The following KIAA0319 variants were observed in gnomAD, a reference collection of about 807,000 sequenced individuals.
KIAA0319 encodes KIAA0319, also known as dyslexia-associated protein KIAA0319.
Under a neutral mutation model 108.4 loss-of-function variants are expected in KIAA0319, and 83 were observed. That is an observed-to-expected ratio of 0.77 (90% CI 0.64 to 0.92). The LOEUF (loss-of-function observed/expected upper bound fraction) is 0.92. Ranked by LOEUF, KIAA0319 falls within the 40% of genes least tolerant of loss-of-function variation. The pLI is 0.00. For missense variants in KIAA0319, 1,195 were observed against 1,322.4 expected (o/e 0.90, Z 1.49); for synonymous variants, 484 against 510.4 (o/e 0.95, Z 0.70).
At chr6:24,575,245 A>AG (rs1247596980) in intron 10 of KIAA0319, among the ~76,000 whole-genome samples, 2 of 152,194 alleles carry the variant, frequency 1.3e-5, no homozygotes, top group Non-Finnish European at 2.9e-5. Flanking sequence ...TGGTGTGTAG[A>AG]GGCAAGGCTC....
At chr6:24,600,648 G>A in intron 2 of KIAA0319, 1 of 1,534,376 alleles carries the variant, frequency 6.5e-7, no homozygotes, top group South Asian at 1.2e-5. Flanking sequence ...TCTAGTCATG[G>A]GTCTTCTTAA....
At position 24,599,049 on chromosome 6, in the gene KIAA0319, C is replaced by G; in HGVS notation, c.55+2000G>C. The G allele has an allele frequency of 1.3e-6, 1 of 742,322 alleles. No homozygotes were observed. Among genetic ancestry groups the G allele is most frequent in the South Asian group, 1.4e-5 (1 of 69,078 alleles). The allele number at this position is 742,322 out of a possible 1,614,324, so 46.0% of individuals were successfully genotyped here. A position where few individuals can be genotyped will look rare whatever the true frequency, so the allele number is the denominator to read the frequency against. ...CAGGCAGCTGTATGAAGAGGAGATCCAGGAGCTGCAGTCCCAGATCTGGGA... is the reference window on the plus strand; with the variant it reads ...CAGGCAGCTGTATGAAGAGGAGATCGAGGAGCTGCAGTCCCAGATCTGGGA... On this transcript the variant is annotated intron_variant, in intron 2 of 20. Coordinates refer to ENST00000378214, the MANE Select transcript of KIAA0319 (RefSeq NM_014809.4). The surrounding 1 kb of genome is among the most constrained non-coding windows in gnomAD (Gnocchi z 4.1).
Position 24,568,718 on chromosome 6 carries a change from C to T in KIAA0319, c.2140+63G>A, listed in dbSNP as rs574954669. The T allele has an allele frequency of 4.1e-5, 62 of 1,510,806 alleles. 1 individual carries two copies. In the South Asian group the frequency reaches 7.4e-4, roughly 18 times the overall value. 93.6% of individuals were successfully genotyped at this position (1,510,806 alleles called of 1,614,324 possible). ...ACATCTCTGAATAGTCATGGCCTGG[C>T]TGAGGGTCCTGCAGACTCGAAAGCA... On this transcript the variant is annotated intron_variant, in intron 13 of 20. Coordinates refer to ENST00000378214, the MANE Select transcript of KIAA0319 (RefSeq NM_014809.4).
At chr6:24,631,041 A>G (rs747916571) in intron 1 of KIAA0319, among the ~76,000 whole-genome samples, 1 of 152,228 alleles carries the variant, frequency 6.6e-6, no homozygotes, top group Non-Finnish European at 1.5e-5. Context: ...AACGAGCTGT[A>G]TTTATAGGTT....
intron 1 of KIAA0319, among the ~76,000 whole-genome samples, chr6:24,612,567 G>A (rs1477768901): frequency 2.0e-5 from 3 of 152,148 alleles, no homozygotes; most frequent in Non-Finnish European, 4.4e-5. Flanking sequence ...GAAATACTTT[G>A]CATTAGTAAA....
At chr6:24,557,249 C>T (rs1762433368) in intron 17 of KIAA0319, among the ~76,000 whole-genome samples, 2 of 151,908 alleles carry the variant, frequency 1.3e-5, no homozygotes, top group South Asian at 4.2e-4. Flanking sequence ...CGCCTGTAAT[C>T]CCGGCACTTT....
chr6:24,643,339 C>T (rs947243598), intron 1 of KIAA0319, among the ~76,000 whole-genome samples: 1 of 152,018 alleles, frequency 6.6e-6, no homozygotes, highest in South Asian at 2.1e-4. Context: ...CTACACTATT[C>T]GGGTAATGGG....
chr6:24,645,039 C>T lies in KIAA0319; in HGVS notation c.-106+697G>A, dbSNP rs73390492. ...TAAATTGAAGCATTTGGAAAGTGAGCATGTATTTCAGGAATAAAGAAATAA... is the reference window on the plus strand; with the variant it reads ...TAAATTGAAGCATTTGGAAAGTGAGTATGTATTTCAGGAATAAAGAAATAA... On this transcript the variant is annotated intron_variant, in intron 1 of 20. Coordinates refer to ENST00000378214, the MANE Select transcript of KIAA0319 (RefSeq NM_014809.4). Among the ~76,000 whole-genome samples, 279 of 152,240 alleles carry T rather than the reference C, an allele frequency of 1.8e-3. 1 individual carries two copies. Among genetic ancestry groups the T allele is most frequent in the African/African-American group, 6.3e-3 (261 of 41,548 alleles).
In KIAA0319 at chr6:24,599,320, G is replaced by A. The variant is rs959865442; in HGVS notation, c.55+1729C>T. 1 of 494,576 alleles carries A rather than the reference G, an allele frequency of 2.0e-6. No homozygotes were observed. Among genetic ancestry groups the A allele is most frequent in the Admixed American group, 2.8e-5 (1 of 35,808 alleles). The allele number at this position is 494,576 out of a possible 1,614,324, so 30.6% of individuals were successfully genotyped here. A position where few individuals can be genotyped will look rare whatever the true frequency, so the allele number is the denominator to read the frequency against. Reference sequence around the variant, plus strand: ...AGCCGGCTCCAGACTGAGACTGAGGGCCTCAAAGGCTAGAGGGCTTCCCTA... The same window carrying A: ...AGCCGGCTCCAGACTGAGACTGAGGACCTCAAAGGCTAGAGGGCTTCCCTA... On this transcript the variant is annotated intron_variant, in intron 2 of 20. Coordinates refer to ENST00000378214, the MANE Select transcript of KIAA0319 (RefSeq NM_014809.4). The surrounding 1 kb of genome is among the most constrained non-coding windows in gnomAD (Gnocchi z 4.1).
chr6:24,566,872 T>TG, intron 13 of KIAA0319, 124 bp from the exon 14 acceptor site: 1 of 870,914 alleles, frequency 1.1e-6, no homozygotes, highest in Non-Finnish European at 1.7e-6. Flanking sequence ...AATTAAAATA[T>TG]CCAAAAAGGC....
chr6:24,563,092 C>T (rs529885097), intron 16 of KIAA0319, among the ~76,000 whole-genome samples: 1 of 152,216 alleles, frequency 6.6e-6, no homozygotes. Context: ...GACACCAGAG[C>T]TAACAACCGT....
rs1760344360 is a variant in KIAA0319, at chr6:24,544,181, T to G, written c.*2984A>C. ...GTTCACATGTTTCAAATTTTTTTAT[T>G]TATTTTTAACCATTTGAAAACATAA... On this transcript the variant is annotated 3_prime_UTR_variant, in exon 21 of 21. Transcript: ENST00000378214. 1 of 152,228 alleles carries G rather than the reference T, an allele frequency of 6.6e-6. No homozygotes were observed. Among genetic ancestry groups the G allele is most frequent in the Admixed American group, 6.5e-5 (1 of 15,290 alleles). The allele number at this position is 152,228 out of a possible 1,614,324, so 9.4% of individuals were successfully genotyped here. A position where few individuals can be genotyped will look rare whatever the true frequency, so the allele number is the denominator to read the frequency against.
intron 14 of KIAA0319, among the ~76,000 whole-genome samples, chr6:24,565,113 C>T (rs763876248): frequency 4.4e-4 from 67 of 151,934 alleles, no homozygotes; most frequent in Non-Finnish European, 4.3e-4. Context: ...ATTAGACAGG[C>T]GTGGTGGTGG....
chr6:24,600,525 A>G, intron 2 of KIAA0319: 1 of 733,018 alleles, frequency 1.4e-6, no homozygotes, highest in African/African-American at 1.7e-5. Flanking sequence ...GGTCTCGCTA[A>G]GGTTATCTTC....
chr6:24,564,372 T>G (rs200477022), intron 14 of KIAA0319, 32 bp from the exon 15 acceptor site: 2 of 1,612,626 alleles, frequency 1.2e-6, no homozygotes, highest in Admixed American at 1.7e-5. Context: ...AGGGCAGCTG[T>G]CAATCCTCGG....
intron 3 of KIAA0319, 24 bp downstream of exon 3, chr6:24,595,849 C>G (rs753296137): frequency 9.0e-6 from 14 of 1,564,076 alleles, no homozygotes; most frequent in Non-Finnish European, 1.1e-5. Flanking sequence ...ATCCCACCCC[C>G]AAGCACATCC....
Position 24,626,468 on chromosome 6 carries a change from G to T in KIAA0319, c.-106+19268C>A, listed in dbSNP as rs537543004. 2.6e-5 allele frequency among the ~76,000 whole-genome samples: 4 copies of T among 152,298 alleles called. No homozygotes were observed. The South Asian group carries it at 6.2e-4, about 24-fold the overall frequency. On this transcript the variant is annotated intron_variant, in intron 1 of 20. Coordinates refer to ENST00000378214, the MANE Select transcript of KIAA0319 (RefSeq NM_014809.4). ...AATCGCTTGAACCTGGCAGGTGAAG[G>T]TTGCAGTGAGCAGAGATCGTGCCAC... is the stretch of plus-strand genomic sequence containing the variant.
chr6:24,607,027 C>T (rs774111160), intron 1 of KIAA0319, among the ~76,000 whole-genome samples: 1 of 152,214 alleles, frequency 6.6e-6, no homozygotes, highest in Non-Finnish European at 1.5e-5. Context: ...AAACTTTTCT[C>T]TCATTTAAGC....
intron 4 of KIAA0319, among the ~76,000 whole-genome samples, chr6:24,586,513 T>C (rs1014800948): frequency 2.9e-4 from 44 of 152,214 alleles, no homozygotes; most frequent in Admixed American, 7.2e-4. Flanking sequence ...CTGACAAATC[T>C]GCATAATGAA....
Sources: gnomAD v4.1 joint callset for allele counts (sites outside exome capture counted in the v4.1 genomes callset) on GRCh38, gnomAD v4.1.1 for gene constraint, Gnocchi (gnomAD v3.1) non-coding constraint, MANE v1.5 for transcripts, NCBI Gene and HGNC (gene_info 2026-07-23, HGNC 2026-07-21) for gene names.